The following SCGN variants were observed in gnomAD, a reference collection of about 807,000 sequenced individuals.
SCGN encodes the protein secretagogin.
SCGN carries 30 observed loss-of-function variants against 39.7 expected under a neutral mutation model. The observed-to-expected ratio is 0.76, with a 90% CI of 0.57 to 1.03. SCGN has a LOEUF of 1.03. SCGN is among the 50% of genes least tolerant of loss of function. The probability of loss-of-function intolerance (pLI) is 0.00; values close to 1 mark genes in which losing one functional copy is unlikely to be tolerated. For missense variants in SCGN, 353 were observed against 349.4 expected (o/e 1.01, Z -0.08); for synonymous variants, 106 against 114.1 (o/e 0.93, Z 0.45).
chr6:25,653,647 T>C (rs1400140771), intron 2 of SCGN, among the ~76,000 whole-genome samples, 195 bp downstream of exon 2: 1 of 152,224 alleles, frequency 6.6e-6, no homozygotes, highest in Non-Finnish European at 1.5e-5. Context: ...GCATTAGACA[T>C]GCTGGTTACT....
intron 2 of SCGN, among the ~76,000 whole-genome samples, chr6:25,658,944 G>A (rs1003688): frequency 0.14 from 21,792 of 152,112 alleles, 1,613 homozygotes; most frequent in Non-Finnish European, 0.16. Flanking sequence ...CACCAATCCT[G>A]GAAGTTTAGA....
intron 2 of SCGN, among the ~76,000 whole-genome samples, chr6:25,657,794 C>T (rs899777186): frequency 1.4e-4 from 21 of 150,500 alleles, no homozygotes; most frequent in Admixed American, 6.6e-4. Context: ...TCATACTCAC[C>T]ACCACTCTTT....
intron 7 of SCGN, among the ~76,000 whole-genome samples, chr6:25,686,446 T>C (rs1759705601): frequency 6.6e-6 from 1 of 152,222 alleles, no homozygotes; most frequent in African/African-American, 2.4e-5. Context: ...GTCATTGTGA[T>C]TTGCATTTCG....
At chr6:25,670,124 C>G (rs758102524) in intron 6 of SCGN, 48 bp downstream of exon 6, 1 of 1,263,146 alleles carries the variant, frequency 7.9e-7, no homozygotes, top group Admixed American at 1.7e-5. Context: ...CCCCCACTCC[C>G]TCCCCAGACC....
intron 4 of SCGN, among the ~76,000 whole-genome samples, chr6:25,667,317 T>C (rs1445240257): frequency 2.0e-5 from 3 of 152,218 alleles, no homozygotes; most frequent in Non-Finnish European, 2.9e-5. Context: ...CAATTTTATC[T>C]GTAAAGAAGA....
chr6:25,666,312 A>G (rs901992763), intron 4 of SCGN, among the ~76,000 whole-genome samples: 1 of 152,076 alleles, frequency 6.6e-6, no homozygotes, highest in Non-Finnish European at 1.5e-5. Context: ...CATAGATCGC[A>G]CCATTGCACT....
Position 25,670,094 on chromosome 6 carries a change from T to G in SCGN, c.471+18T>G. ...GCACCATGGTAAGTAATGAGTAATG[T>G]AATCTCCATGAGGGCAGCTCCCCCA... On this transcript the variant is annotated intron_variant, in intron 6 of 10. Coordinates refer to ENST00000377961, the MANE Select transcript of SCGN (RefSeq NM_006998.4). 1 of 1,564,276 alleles carries G rather than the reference T, an allele frequency of 6.4e-7. No homozygotes were observed. The highest frequency in any genetic ancestry group is 8.8e-7 in the Non-Finnish European group (1 of 1,134,608).
intron 2 of SCGN, among the ~76,000 whole-genome samples, chr6:25,653,664 C>G (rs1180977409): frequency 6.6e-6 from 1 of 152,222 alleles, no homozygotes; most frequent in Non-Finnish European, 1.5e-5. Flanking sequence ...TACTGACTTT[C>G]AGTGTAACAT....
chr6:25,670,606 C>T (rs894302573), intron 6 of SCGN, among the ~76,000 whole-genome samples: 1 of 152,212 alleles, frequency 6.6e-6, no homozygotes, highest in Non-Finnish European at 1.5e-5. Context: ...ACGAATAACA[C>T]CTAATTCCTG....
intron 6 of SCGN, among the ~76,000 whole-genome samples, chr6:25,671,825 A>G (rs1208152069): frequency 6.6e-6 from 1 of 152,218 alleles, no homozygotes; most frequent in Non-Finnish European, 1.5e-5. Flanking sequence ...AGTTCAGCAT[A>G]TTTTTAACAT....
At chr6:25,690,858 T>C (rs1759765459) in intron 9 of SCGN, among the ~76,000 whole-genome samples, 198 bp from the exon 10 acceptor site, 1 of 152,264 alleles carries the variant, frequency 6.6e-6, no homozygotes, top group Non-Finnish European at 1.5e-5. Context: ...TTTGGTTACA[T>C]GGAGCTGTTT....
Position 25,681,971 on chromosome 6 carries a change from T to A in SCGN, c.492T>A (p.Asn164Lys). The A allele has an allele frequency of 6.2e-7, 1 of 1,613,760 alleles. No individual in the cohort carries two copies. The highest frequency in any genetic ancestry group is 8.5e-7 in the Non-Finnish European group (1 of 1,179,680). ...TGTMMKIFDR[N>K]KDGRLDLNDL... ...TTCAGATGAAGATTTTTGACAGAAA[T>A]AAAGATGGTCGGTTGGATCTAAATG... The change falls in exon 7 of 11, where the codon AAT (asparagine) becomes AAA (lysine). Residue 164 changes from asparagine (N) to lysine (K), a missense_variant. Transcript: ENST00000377961.
At chr6:25,693,180 G>T (rs1451268100) in intron 10 of SCGN, among the ~76,000 whole-genome samples, 2 of 152,112 alleles carry the variant, frequency 1.3e-5, no homozygotes, top group East Asian at 3.9e-4. Flanking sequence ...GGCCGGGCGC[G>T]GTGGCTCATG....
At chr6:25,689,573 A>T in intron 9 of SCGN, 41 bp downstream of exon 9, 1 of 1,561,156 alleles carries the variant, frequency 6.4e-7, no homozygotes, top group Non-Finnish European at 8.8e-7. Context: ...ATCTCTGAGT[A>T]GGAAACTTAT....
At chr6:25,671,645 C>T (rs4712954) in intron 6 of SCGN, among the ~76,000 whole-genome samples, 42,404 of 152,052 alleles carry the variant, frequency 0.28, 5,974 homozygotes, top group African/African-American at 0.31. Context: ...CACCAAAGGT[C>T]GAAGTGGGAA....
chr6:25,661,173 TA>T (rs1760329216), intron 2 of SCGN, among the ~76,000 whole-genome samples: 1 of 152,302 alleles, frequency 6.6e-6, no homozygotes, highest in East Asian at 1.9e-4. Context: ...ACTTTTCAGT[TA>T]AAAAATGTAA....
At chr6:25,699,606 A>AAAAAG (rs1759882692) in intron 10 of SCGN, among the ~76,000 whole-genome samples, 3 of 151,552 alleles carry the variant, frequency 2.0e-5, no homozygotes, top group African/African-American at 7.3e-5. Context: ...AAAAAAAAAA[A>AAAAAG]AAAAGAAAAG....
intron 4 of SCGN, among the ~76,000 whole-genome samples, chr6:25,668,866 C>T (rs1454257841): frequency 6.6e-6 from 1 of 152,196 alleles, no homozygotes; most frequent in Non-Finnish European, 1.5e-5. Context: ...AATCCCAGCA[C>T]TTTGGGAGGC....
chr6:25,652,858 T>C (rs1391368734), intron 1 of SCGN, among the ~76,000 whole-genome samples: 3 of 152,178 alleles, frequency 2.0e-5, no homozygotes, highest in East Asian at 1.9e-4. Flanking sequence ...GGGCTCACTT[T>C]TACGCAGTGA....
Sources: allele counts gnomAD v4.1 joint callset (sites outside exome capture counted in the v4.1 genomes callset), GRCh38; gene constraint gnomAD v4.1.1; transcripts MANE v1.5; gene names NCBI Gene and HGNC (gene_info 2026-07-23, HGNC 2026-07-21).